Variants in GPR39 observed in about 807,000 individuals in gnomAD.
The protein encoded by GPR39 is G protein-coupled receptor 39.
In GPR39, 23 loss-of-function variants were observed where a neutral mutation model predicts 18.4. That is an observed-to-expected ratio of 1.25 (90% CI 0.90 to 1.77). The LOEUF is 1.77. Among genes scored for constraint, GPR39 ranks in the 40% most tolerant of loss-of-function variants. GPR39 has a pLI of 0.00. For synonymous variants in GPR39, 280 were observed against 257.9 expected, an observed-to-expected ratio of 1.09 and a Z score of -0.82; for missense variants, 647 against 602.4, an observed-to-expected ratio of 1.07 and a Z score of -0.78.
chr2:132,493,073 CCA>C (rs369887505), intron 1 of GPR39, among the ~76,000 whole-genome samples: 1,091 of 7,988 alleles, frequency 0.14, 21 homozygotes, highest in East Asian at 0.26. Context: ...CATATATATA[CCA>C]CATATATACC....
chr2:132,463,421 G>A (rs935056240), intron 1 of GPR39, among the ~76,000 whole-genome samples: 1 of 150,968 alleles, frequency 6.6e-6, no homozygotes, highest in Admixed American at 6.6e-5. Flanking sequence ...CTAAGAGTCG[G>A]GTCTTTTTTT....
intron 1 of GPR39, among the ~76,000 whole-genome samples, chr2:132,506,550 T>G (rs1679138118): frequency 6.6e-6 from 1 of 152,214 alleles, no homozygotes; most frequent in Non-Finnish European, 1.5e-5. Flanking sequence ...CTCACCATTC[T>G]GCATAGCTGG....
chr2:132,564,044 C>T (rs1680303313), intron 1 of GPR39, among the ~76,000 whole-genome samples: 1 of 152,194 alleles, frequency 6.6e-6, no homozygotes, highest in South Asian at 2.1e-4. Context: ...CAGCCTCTAA[C>T]AGCCCATTTC....
chr2:132,418,157 A>G (rs1185227269), intron 1 of GPR39, among the ~76,000 whole-genome samples: 1 of 152,240 alleles, frequency 6.6e-6, no homozygotes, highest in Non-Finnish European at 1.5e-5. Flanking sequence ...GGTATATTCC[A>G]GAACATCACT....
At chr2:132,493,505 C>CATATATAT (rs5834316) in intron 1 of GPR39, among the ~76,000 whole-genome samples, 1 of 130,572 alleles carries the variant, frequency 7.7e-6, no homozygotes, top group African/African-American at 3.3e-5. Context: ...ATATATACAC[C>CATATATAT]ATATATATAT....
intron 1 of GPR39, among the ~76,000 whole-genome samples, chr2:132,634,227 T>C (rs1228118543): frequency 6.6e-6 from 1 of 152,104 alleles, no homozygotes; most frequent in Non-Finnish European, 1.5e-5. Context: ...ATGGTCATAA[T>C]TGACAGTGGT....
chr2:132,539,363 A>G lies in GPR39; in HGVS notation c.857-105738A>G, dbSNP rs79833461. Among the ~76,000 whole-genome samples, 394 of 152,106 alleles carry G rather than the reference A, an allele frequency of 2.6e-3. 1 individual carries two copies. The highest frequency in any genetic ancestry group is 4.5e-3 in the Non-Finnish European group (309 of 67,994). On this transcript the variant is annotated intron_variant, in intron 1 of 1. Transcript: ENST00000329321. Reference sequence around the variant, plus strand: ...CTCACCCTGCTTCTGCTTGCTCTCCATAGATCACACCCACTGCCTAACCAG... The same window carrying G: ...CTCACCCTGCTTCTGCTTGCTCTCCGTAGATCACACCCACTGCCTAACCAG...
At chr2:132,556,640 A>G (rs748560510) in intron 1 of GPR39, among the ~76,000 whole-genome samples, 5 of 152,190 alleles carry the variant, frequency 3.3e-5, no homozygotes, top group Admixed American at 2.6e-4. Flanking sequence ...AGCTAAAGTG[A>G]TAGGATGTGA....
At chr2:132,454,564 T>C (rs1306251734) in intron 1 of GPR39, among the ~76,000 whole-genome samples, 1 of 152,212 alleles carries the variant, frequency 6.6e-6, no homozygotes, top group East Asian at 1.9e-4. Flanking sequence ...TGTGCCAGTT[T>C]TCAAAGGGAA....
intron 1 of GPR39, among the ~76,000 whole-genome samples, chr2:132,634,246 G>C (rs1206601039): frequency 6.6e-6 from 1 of 152,132 alleles, no homozygotes; most frequent in African/African-American, 2.4e-5. Context: ...GTCCTTTTCT[G>C]ACAGCAGTCA....
chr2:132,446,499 A>C (rs750432287), intron 1 of GPR39, among the ~76,000 whole-genome samples: 3 of 152,246 alleles, frequency 2.0e-5, no homozygotes, highest in Non-Finnish European at 1.5e-5. Context: ...GGTGCTGGAC[A>C]TGTAGGAGAG....
At chr2:132,430,232 A>C (rs1227842395) in intron 1 of GPR39, among the ~76,000 whole-genome samples, 1 of 152,192 alleles carries the variant, frequency 6.6e-6, no homozygotes. Flanking sequence ...GGAACTATTA[A>C]AAATGCCCTA....
intron 1 of GPR39, among the ~76,000 whole-genome samples, chr2:132,563,901 C>G (rs534391638): frequency 3.3e-5 from 5 of 152,288 alleles, no homozygotes; most frequent in East Asian, 3.9e-4. Context: ...TGGGTCCCCC[C>G]ACCCCAACCA....
chr2:132,605,022 T>C (rs190586621), intron 1 of GPR39: 4 of 152,194 alleles, frequency 2.6e-5, no homozygotes, highest in African/African-American at 9.6e-5. Flanking sequence ...AAGATACATG[T>C]GATATAGGTA....
chr2:132,473,281 G>A (rs1443974719), intron 1 of GPR39, among the ~76,000 whole-genome samples: 1 of 152,096 alleles, frequency 6.6e-6, no homozygotes, highest in African/African-American at 2.4e-5. Context: ...TGATTTGGCA[G>A]GTCCTAAGTA....
chr2:132,536,949 A>C (rs984933558), intron 1 of GPR39, among the ~76,000 whole-genome samples: 12 of 151,960 alleles, frequency 7.9e-5, no homozygotes, highest in African/African-American at 2.9e-4. Context: ...ATTTATTTTG[A>C]GCCTGTGTGT....
intron 1 of GPR39, among the ~76,000 whole-genome samples, chr2:132,513,462 CAAAAA>C (rs35917253): frequency 6.7e-6 from 1 of 149,370 alleles, no homozygotes; most frequent in Non-Finnish European, 1.5e-5. Context: ...GACTCTGTCT[CAAAAA>C]AAAAGAGTCT....
intron 1 of GPR39, among the ~76,000 whole-genome samples, chr2:132,513,362 C>T (rs990224667): frequency 6.6e-6 from 1 of 152,028 alleles, no homozygotes; most frequent in African/African-American, 2.4e-5. Flanking sequence ...ACTCAGGAGG[C>T]TGAAGCGGGA....
At position 132,600,808 on chromosome 2, in the gene GPR39, A is replaced by G. The variant is rs140047650; in HGVS notation, c.857-44293A>G. 3.3e-5 allele frequency among the ~76,000 whole-genome samples: 5 copies of G among 152,282 alleles called. No homozygotes were observed. The East Asian group carries it at 9.6e-4, about 29-fold the overall frequency. ...TGTTGTTGTTTAAAAAAAAAAATCA[A>G]TAGCTTTAGGGGCACAAGTGGTTTT... On this transcript the variant is annotated intron_variant, in intron 1 of 1. Coordinates refer to ENST00000329321, the MANE Select transcript of GPR39 (RefSeq NM_001508.3).
Sources: gnomAD v4.1 joint callset for allele counts (sites outside exome capture counted in the v4.1 genomes callset) on GRCh38, gnomAD v4.1.1 for gene constraint, MANE v1.5 for transcripts, NCBI Gene and HGNC (gene_info 2026-07-23, HGNC 2026-07-21) for gene names.